Variants in ARHGEF4 observed in about 807,000 individuals in gnomAD.
ARHGEF4 encodes the protein APC-stimulated guanine nucleotide exchange factor 1.
ARHGEF4 carries 119 observed loss-of-function variants against 162.0 expected under a neutral mutation model. That is an observed-to-expected ratio of 0.73 (90% CI 0.63 to 0.86). The LOEUF (loss-of-function observed/expected upper bound fraction) is 0.86, where lower values mean the gene tolerates loss of function less well. Ranked by LOEUF, ARHGEF4 falls within the 40% of genes least tolerant of loss-of-function variation. The pLI is 0.00. For synonymous variants in ARHGEF4, 1,014 were observed against 979.9 expected (o/e 1.03, Z -0.65); for missense variants, 2,488 against 2,456.0 (o/e 1.01, Z -0.28).
At chr2:130,926,048 C>CTCTTTCTTTCTTTTTCTT (rs1682255238) in intron 2 of ARHGEF4, among the ~76,000 whole-genome samples, 1 of 53,412 alleles carries the variant, frequency 1.9e-5, no homozygotes, top group African/African-American at 6.2e-5. Context: ...TTCTTTCTTT[C>CTCTTTCTTTCTTTTTCTT]TCTTTCTTTC....
chr2:131,028,537 T>A (rs10196690), intron 5 of ARHGEF4, among the ~76,000 whole-genome samples: 128,223 of 152,280 alleles, frequency 0.84, 56,525 homozygotes, highest in Non-Finnish European at 0.97. Flanking sequence ...TTGCTGTTGC[T>A]ATGACAACTG....
chr2:130,916,565 A>T lies in ARHGEF4; in HGVS notation c.2619A>T (p.Gly873=). The T allele has an allele frequency of 1.3e-6, 2 of 1,550,356 alleles. No homozygotes were observed. The highest frequency in any genetic ancestry group is 1.7e-6 in the Non-Finnish European group (2 of 1,146,926). The change falls in exon 2 of 14, where the codon GGA becomes GGT. Residue 873 remains glycine (G), a synonymous_variant. Transcript: ENST00000409359. The stretch of plus-strand genomic sequence containing the variant: ...GCGACAGGACTGCAGGGCCGGCAGG[A>T]GCGGGGCACACGGGGACCTCAGGGG... ...AAGDRTAGPA[G]AGHTGTSGDL... is the part of the protein sequence containing the mutation.
intron 1 of ARHGEF4, among the ~76,000 whole-genome samples, chr2:130,847,761 A>G (rs1445511011): frequency 6.6e-6 from 1 of 152,230 alleles, no homozygotes; most frequent in Non-Finnish European, 1.5e-5. Context: ...TCACAGGAAC[A>G]GTGCTGGCTT....
At chr2:131,015,841 A>G (rs1298765406) in intron 4 of ARHGEF4, among the ~76,000 whole-genome samples, 2 of 152,312 alleles carry the variant, frequency 1.3e-5, no homozygotes, top group East Asian at 3.9e-4. Flanking sequence ...CAGCTTCCTC[A>G]TCTGTAGAAT....
intron 4 of ARHGEF4, among the ~76,000 whole-genome samples, chr2:130,995,888 CTTTT>C (rs1184456550): frequency 7.3e-6 from 1 of 136,884 alleles, no homozygotes. Context: ...TATTATTCAC[CTTTT>C]TTTTTTTTTT....
At chr2:131,033,285 C>A (rs1655493892) in intron 5 of ARHGEF4, among the ~76,000 whole-genome samples, 1 of 152,208 alleles carries the variant, frequency 6.6e-6, no homozygotes, top group Non-Finnish European at 1.5e-5. Flanking sequence ...GGAGAAGGAC[C>A]CTGCTCAGTC....
Position 130,914,149 on chromosome 2 carries a change from C to T in ARHGEF4, c.203C>T (p.Thr68Ile). The T allele has an allele frequency of 6.5e-7, 1 of 1,536,158 alleles. No homozygotes were observed. The highest frequency in any genetic ancestry group is 8.7e-7 in the Non-Finnish European group (1 of 1,146,918). Residue 68 changes from threonine (T) to isoleucine (I), a missense_variant, in exon 2 of 14, where the codon ACT (threonine) becomes ATT (isoleucine). By Grantham distance (89) the Thr-to-Ile change is moderately conservative. Around this residue, in one of 6 missense-constraint regions of ARHGEF4, gnomAD observed 171 missense variants for 169.4 expected, o/e 1.01. Transcript: ENST00000409359. Reference sequence around the variant, plus strand: ...AGTGAAAGTGGATCAGACACAAAAACTGACCCCTTTGAAAGTGCCTCTGAC... The same window carrying T: ...AGTGAAAGTGGATCAGACACAAAAATTGACCCCTTTGAAAGTGCCTCTGAC... ...QQSESGSDTK[T>I]DPFESASDTE...
intron 4 of ARHGEF4, among the ~76,000 whole-genome samples, chr2:130,951,277 A>G (rs764248805): frequency 5.9e-5 from 9 of 152,170 alleles, no homozygotes; most frequent in Non-Finnish European, 8.8e-5. Context: ...TTGGCTTGAG[A>G]GGCCTAGCTT....
rs1479539449 is a variant in ARHGEF4 at position 130,916,766 on chromosome 2, C to A, written c.2820C>A (p.Gly940=). The A allele has an allele frequency of 1.3e-6, 2 of 1,550,598 alleles. No individual in the cohort carries two copies. Among genetic ancestry groups the A allele is most frequent in the Non-Finnish European group, 8.7e-7 (1 of 1,147,024 alleles). Residue 940 remains glycine, a synonymous_variant, in exon 2 of 14, where the codon GGC becomes GGA. Transcript: ENST00000409359. The part of the protein sequence containing the change: ...THERSPSSPK[G]EKEKSRLRQG... ...AACGTTCCCCAAGTTCTCCCAAGGGCGAGAAGGAGAAGAGCAGGCTGCGCC... is the reference window on the plus strand; with the variant it reads ...AACGTTCCCCAAGTTCTCCCAAGGGAGAGAAGGAGAAGAGCAGGCTGCGCC...
chr2:130,843,645 C>G (rs1184758931), intron 1 of ARHGEF4, among the ~76,000 whole-genome samples: 2 of 152,216 alleles, frequency 1.3e-5, no homozygotes, highest in African/African-American at 4.8e-5. Context: ...CCCCGTTGGG[C>G]TCTCCCCTGA....
chr2:130,941,167 G>T (rs1478770483), intron 3 of ARHGEF4, among the ~76,000 whole-genome samples: 2 of 151,798 alleles, frequency 1.3e-5, no homozygotes, highest in South Asian at 2.1e-4. Context: ...CCATGCAGGG[G>T]TTAGGGGTAC....
intron 1 of ARHGEF4, among the ~76,000 whole-genome samples, chr2:130,840,572 A>G (rs909007589): frequency 6.6e-6 from 1 of 152,230 alleles, no homozygotes; most frequent in African/African-American, 2.4e-5. Context: ...ACCATGGCTC[A>G]GGAAGCCAGG....
chr2:130,849,631 C>T (rs1452057557), intron 1 of ARHGEF4, among the ~76,000 whole-genome samples: 3 of 151,210 alleles, frequency 2.0e-5, no homozygotes, highest in Non-Finnish European at 2.9e-5. Context: ...TGCAGTGGCG[C>T]GATCTCAGCT....
In ARHGEF4 at chr2:130,917,194, C is replaced by G; in HGVS notation, c.3248C>G (p.Pro1083Arg). ...GCCTGCTGCCTGGCATATGAAAACC[C>G]CGGGACGCCCTGCAGACCCACGAGC... ...SSACCLAYEN[P>R]GTPCRPTSPK... Residue 1083 changes from proline to arginine, a missense_variant, in exon 2 of 14, where the codon CCC becomes CGC. Around this residue, in one of 6 missense-constraint regions of ARHGEF4, gnomAD observed 1,642 missense variants for 1,481.5 expected, o/e 1.11. Coordinates refer to ENST00000409359, the MANE Select transcript of ARHGEF4 (RefSeq NM_001367493.1). The G allele has an allele frequency of 6.4e-7, 1 of 1,550,494 alleles. No individual in the cohort carries two copies. Among genetic ancestry groups the G allele is most frequent in the Non-Finnish European group, 8.7e-7 (1 of 1,146,976 alleles).
intron 1 of ARHGEF4, among the ~76,000 whole-genome samples, chr2:130,909,728 G>C (rs1326886270): frequency 6.6e-6 from 1 of 152,118 alleles, no homozygotes; most frequent in Admixed American, 6.5e-5. Context: ...AGTGTCACAG[G>C]CGCCTCTGCT....
At chr2:130,991,492 C>A (rs1204241391) in intron 4 of ARHGEF4, among the ~76,000 whole-genome samples, 1 of 152,208 alleles carries the variant, frequency 6.6e-6, no homozygotes, top group Non-Finnish European at 1.5e-5. Flanking sequence ...CGCTTGCGGG[C>A]CAGCTGGAGT....
intron 1 of ARHGEF4, among the ~76,000 whole-genome samples, chr2:130,846,310 C>G (rs1037752549): frequency 6.6e-6 from 1 of 152,232 alleles, no homozygotes; most frequent in Non-Finnish European, 1.5e-5. Context: ...GACTGGTCAT[C>G]TGAGACCCCC....
chr2:130,953,612 AACAG>A (rs1684089041), intron 4 of ARHGEF4, among the ~76,000 whole-genome samples: 1 of 152,242 alleles, frequency 6.6e-6, no homozygotes. Flanking sequence ...CATTAGAGTG[AACAG>A]ACAACCTACA....
At chr2:130,935,980 G>A (rs891484260) in intron 3 of ARHGEF4, among the ~76,000 whole-genome samples, 1 of 152,152 alleles carries the variant, frequency 6.6e-6, no homozygotes, top group Non-Finnish European at 1.5e-5. Flanking sequence ...CAGGAGAATT[G>A]CTTGAAACCG....
Sources: allele counts gnomAD v4.1 joint callset (sites outside exome capture counted in the v4.1 genomes callset), GRCh38; gene constraint gnomAD v4.1.1; regional missense constraint gnomAD v4.1.1; transcripts MANE v1.5; gene names NCBI Gene and HGNC (gene_info 2026-07-23, HGNC 2026-07-21).